TRIM55: variants seen among roughly 807,000 people sequenced by gnomAD.
TRIM55 encodes tripartite motif-containing protein 55.
Under a neutral mutation model 60.9 loss-of-function variants are expected in TRIM55, and 50 were observed. The observed-to-expected ratio is 0.82, with a 90% confidence interval of 0.65 to 1.04. TRIM55 has a LOEUF of 1.04. Among genes scored for constraint, TRIM55 ranks in the 50% least tolerant of loss-of-function variants. TRIM55 has a pLI of 0.00. For synonymous variants in TRIM55, 237 were observed against 238.1 expected, an observed-to-expected ratio of 1.00 and a Z score of 0.04; for missense variants, 681 against 666.9, an observed-to-expected ratio of 1.02 and a Z score of -0.23.
intron 4 of TRIM55, among the ~76,000 whole-genome samples, chr8:66,140,702 G>A (rs1809757092): frequency 6.6e-6 from 1 of 152,236 alleles, no homozygotes; most frequent in Non-Finnish European, 1.5e-5. Context: ...TCCTTGGCTT[G>A]CAGTGAAATG....
chr8:66,127,347 C>T lies in TRIM55; in HGVS notation c.79C>T (p.Pro27Ser), dbSNP rs866225317. 2.5e-6 allele frequency: 4 copies of T among 1,614,168 alleles called. No homozygotes were observed. The highest frequency in any genetic ancestry group is 3.4e-6 in the Non-Finnish European group (4 of 1,180,014). ...TAACTTAGAGAAGCAACTCATCTGT[C>T]CCATCTGCTTAGAGATGTTCACGAA... is the stretch of plus-strand genomic sequence containing the variant. ...MDNLEKQLIC[P>S]ICLEMFTKPV... Residue 27 changes from proline (P) to serine (S), a missense_variant, in exon 1 of 10, where the codon CCC becomes TCC. Physicochemically the swap from Pro to Ser is moderately conservative, Grantham distance 74 (BLOSUM62 -1). Transcript: ENST00000315962.
chr8:66,156,807 A>G (rs1207495437), intron 9 of TRIM55, among the ~76,000 whole-genome samples: 26 of 152,096 alleles, frequency 1.7e-4, no homozygotes, highest in Non-Finnish European at 8.8e-5. Flanking sequence ...CGTGTCTGGA[A>G]CTGTGTGTGA....
chr8:66,162,636 A>G (rs1811117058), intron 9 of TRIM55, among the ~76,000 whole-genome samples: 1 of 152,088 alleles, frequency 6.6e-6, no homozygotes, highest in Non-Finnish European at 1.5e-5. Flanking sequence ...TCAGCTATGA[A>G]TCCATCTGGT....
At chr8:66,114,183 A>G in the TRIM55 span, among the ~76,000 whole-genome samples, 1 of 149,462 alleles carries the variant, frequency 6.7e-6, no homozygotes, top group Non-Finnish European at 1.5e-5. Context: ...AGCCGTGCCC[A>G]GCCGTGGGGG....
intron 2 of TRIM55, among the ~76,000 whole-genome samples, chr8:66,132,213 G>T (rs1247962869): frequency 2.0e-5 from 3 of 152,150 alleles, no homozygotes; most frequent in Non-Finnish European, 4.4e-5. Flanking sequence ...CACTTTGGGA[G>T]GCTGAGGTGG....
intron 4 of TRIM55, among the ~76,000 whole-genome samples, chr8:66,143,530 A>G (rs1304416248): frequency 6.6e-6 from 1 of 151,976 alleles, no homozygotes; most frequent in East Asian, 1.9e-4. Flanking sequence ...CTGAGGTTCA[A>G]TGGTTTCCCA....
chr8:66,135,588 C>A (rs138118933), intron 3 of TRIM55, among the ~76,000 whole-genome samples: 182 of 152,296 alleles, frequency 1.2e-3, no homozygotes, highest in African/African-American at 3.7e-3. Context: ...TGAAAGATTT[C>A]TTTGGCCCTC....
At chr8:66,170,949 G>A (rs562565419) in intron 9 of TRIM55, among the ~76,000 whole-genome samples, 1 of 152,316 alleles carries the variant, frequency 6.6e-6, no homozygotes, top group Admixed American at 6.5e-5. Flanking sequence ...CACTCTGACA[G>A]AGCCTTGTAG....
At chr8:66,118,836 C>T in the TRIM55 span, among the ~76,000 whole-genome samples, 2 of 152,066 alleles carry the variant, frequency 1.3e-5, no homozygotes, top group Non-Finnish European at 2.9e-5. Context: ...GCCTTCTCTC[C>T]GCTGCTCATG....
At chr8:66,122,085 A>AG (rs1438742178), upstream of TRIM55, among the ~76,000 whole-genome samples, 2 of 152,150 alleles carry the variant, frequency 1.3e-5, no homozygotes, top group Non-Finnish European at 2.9e-5. Flanking sequence ...GAGAGCAGGG[A>AG]GGAGCAAGGA....
At chr8:66,136,197 G>A (rs1242339128) in intron 3 of TRIM55, among the ~76,000 whole-genome samples, 4 of 152,180 alleles carry the variant, frequency 2.6e-5, no homozygotes, top group Non-Finnish European at 4.4e-5. Flanking sequence ...AGAACTGGAT[G>A]GTAGCTGTTT....
chr8:66,170,368 G>A (rs1480853169), intron 9 of TRIM55, among the ~76,000 whole-genome samples: 2 of 152,112 alleles, frequency 1.3e-5, no homozygotes, highest in African/African-American at 4.8e-5. Flanking sequence ...ATTTCACTTA[G>A]CATAAGGTCC....
At chr8:66,121,805 C>T in the TRIM55 span, among the ~76,000 whole-genome samples, 1 of 152,180 alleles carries the variant, frequency 6.6e-6, no homozygotes, top group Non-Finnish European at 1.5e-5. Flanking sequence ...ATGAATCATC[C>T]TTTGTTCTAT....
At position 66,134,991 on chromosome 8, in the gene TRIM55, C is replaced by T; in HGVS notation, c.343C>T (p.Pro115Ser). ...ATTTATCTGCCTACCTCCTCCCAGG[C>T]CAGAAAAGAAATCCGACCAGCCCAT... ...IDIYKQESTR[P>S]EKKSDQPMCE... Residue 115 changes from proline (P) to serine (S), a missense_variant and splice_region_variant, in exon 3 of 10, where the codon CCA (proline) becomes TCA (serine). By Grantham distance (74) the Pro-to-Ser change is moderately conservative (BLOSUM62 -1). Transcript: ENST00000315962. The T allele has an allele frequency of 6.2e-7, 1 of 1,613,990 alleles. No individual in the cohort carries two copies. The highest frequency in any genetic ancestry group is 2.2e-5 in the East Asian group (1 of 44,878).
chr8:66,172,844 C>T (rs1811718979), intron 9 of TRIM55, among the ~76,000 whole-genome samples: 1 of 152,208 alleles, frequency 6.6e-6, no homozygotes, highest in African/African-American at 2.4e-5. Flanking sequence ...AGGCGGAATT[C>T]GCTATTTGCT....
chr8:66,154,571 G>A (rs1379539323), intron 9 of TRIM55, among the ~76,000 whole-genome samples: 2 of 152,182 alleles, frequency 1.3e-5, no homozygotes, highest in Admixed American at 6.5e-5. Flanking sequence ...CTCACACCTG[G>A]CTTCCCAGGG....
intron 7 of TRIM55, 23 bp downstream of exon 7, chr8:66,150,489 T>G (rs758792002): frequency 1.2e-6 from 2 of 1,613,168 alleles, no homozygotes; most frequent in Admixed American, 3.3e-5. Flanking sequence ...TTTGACCATT[T>G]GGCCGAAGTT....
In TRIM55 at chr8:66,152,484, G is replaced by A. The variant is rs575490972; in HGVS notation, c.1093G>A (p.Glu365Lys). The A allele has an allele frequency of 4.3e-5, 70 of 1,614,188 alleles. 1 individual carries two copies. In the South Asian group the frequency reaches 6.9e-4, roughly 16 times the overall value. The change falls in exon 8 of 10, where the codon GAG becomes AAG. Residue 365 changes from glutamate to lysine, a missense_variant. Coordinates refer to ENST00000315962, the MANE Select transcript of TRIM55 (RefSeq NM_184085.2). ...EVEEVENVQTEFPGEDENPEK... is the reference protein window; with the variant it reads ...EVEEVENVQTKFPGEDENPEK... ...GGAAGAGGTAGAAAATGTTCAAACA[G>A]AGTTTCCAGGAGAAGATGAAAACCC...
intron 2 of TRIM55, among the ~76,000 whole-genome samples, chr8:66,130,883 G>T (rs187563549): frequency 2.9e-4 from 44 of 151,582 alleles, no homozygotes; most frequent in African/African-American, 1.1e-3. Context: ...GGATAGTCTC[G>T]ATCTCCTGAC....
Sources: allele counts gnomAD v4.1 joint callset (sites outside exome capture counted in the v4.1 genomes callset), GRCh38; gene constraint gnomAD v4.1.1; transcripts MANE v1.5; gene names NCBI Gene and HGNC (gene_info 2026-07-23, HGNC 2026-07-21).